NRP2: variants seen among roughly 807,000 people sequenced by gnomAD.
NRP2 encodes neuropilin-2.
In NRP2, 52 loss-of-function variants were observed where a neutral mutation model predicts 110.4. That is an observed-to-expected ratio of 0.47 (90% confidence interval 0.38 to 0.59). The LOEUF (loss-of-function observed/expected upper bound fraction) is 0.59, where lower values mean the gene tolerates loss of function less well. Ranked by LOEUF, NRP2 falls within the 20% of genes least tolerant of loss-of-function variation. The pLI is 0.00. For missense variants in NRP2, 1,049 were observed against 1,203.0 expected (o/e 0.87, Z 1.89); for synonymous variants, 508 against 468.9 (o/e 1.08, Z -1.08).
intron 3 of NRP2, among the ~76,000 whole-genome samples, chr2:205,719,855 A>C (rs893133943): frequency 6.6e-6 from 1 of 152,232 alleles, no homozygotes; most frequent in Non-Finnish European, 1.5e-5. Flanking sequence ...TTCATAGCAG[A>C]GTCTTTTCCT....
intron 15 of NRP2, chr2:205,776,313 C>T: frequency 2.5e-6 from 4 of 1,613,274 alleles, no homozygotes; most frequent in East Asian, 2.2e-5. Context: ...TCCCAGCCTA[C>T]TGGTATTACG....
At chr2:205,773,508 A>G (rs146425042) in intron 15 of NRP2, among the ~76,000 whole-genome samples, 106 of 152,300 alleles carry the variant, frequency 7.0e-4, no homozygotes, top group Non-Finnish European at 5.9e-4. Context: ...GGAGAGAAGG[A>G]TAAGTAGAGA....
At chr2:205,687,964 T>C (rs114305196) in intron 1 of NRP2, among the ~76,000 whole-genome samples, 68 of 152,252 alleles carry the variant, frequency 4.5e-4, no homozygotes, top group African/African-American at 1.6e-3. Context: ...TTCACTCAAG[T>C]CTTCCCTAAA....
intron 7 of NRP2, 22 bp from the exon 8 acceptor site, chr2:205,740,497 G>A (rs2105865686): frequency 6.2e-7 from 1 of 1,614,064 alleles, no homozygotes; most frequent in Non-Finnish European, 8.5e-7. Context: ...TCAATAACAT[G>A]GTTTTGCATC....
intron 12 of NRP2, chr2:205,756,877 G>A (rs923787736): frequency 6.6e-6 from 1 of 152,182 alleles, no homozygotes; most frequent in East Asian, 1.9e-4. Flanking sequence ...ATTAGATGGT[G>A]TAGGAACTAT....
chr2:205,751,935 AC>A (rs2057653136), intron 11 of NRP2, among the ~76,000 whole-genome samples: 1 of 151,582 alleles, frequency 6.6e-6, no homozygotes, highest in Admixed American at 6.6e-5. Flanking sequence ...CGTCCACACC[AC>A]CCCCACTTAG....
Position 205,716,307 on chromosome 2 carries a change from C to G in NRP2, c.366C>G (p.Ile122Met). 2.5e-6 allele frequency: 4 copies of G among 1,614,154 alleles called. No individual in the cohort carries two copies. Among genetic ancestry groups the G allele is most frequent in the Non-Finnish European group, 2.5e-6 (3 of 1,180,018 alleles). ...TIISSGSMLY[I>M]KFTSDYARQG... ...TCTCCTCGGGCTCCATGCTCTACAT[C>G]AAGTTCACCTCCGACTACGCCCGGC... Residue 122 changes from isoleucine (I) to methionine (M), a missense_variant, in exon 3 of 17, where the codon ATC (isoleucine) becomes ATG (methionine). Transcript: ENST00000357785.
intron 8 of NRP2, among the ~76,000 whole-genome samples, chr2:205,742,576 T>G (rs1336695397): frequency 1.3e-5 from 2 of 152,140 alleles, no homozygotes; most frequent in Admixed American, 6.5e-5. Flanking sequence ...TTTGGGGTAA[T>G]GGGAACAGCA....
Position 205,697,312 on chromosome 2 carries a change from C to CTGTGTGTGTGTGTGTGTGTG in NRP2, c.74-218_74-199dup, listed in dbSNP as rs3072627. Among the ~76,000 whole-genome samples the CTGTGTGTGTGTGTGTGTGTG allele has an allele frequency of 1.1e-3, 157 of 137,942 alleles. 4 individuals carry two copies. The highest frequency in any genetic ancestry group is 4.3e-3 in the African/African-American group (149 of 34,724). 90.5% of individuals were successfully genotyped at this position (137,942 alleles called of 152,430 possible). The stretch of plus-strand genomic sequence containing the variant: ...TGGCCATGTTCTGGAATACTTTCAT[C>CTGTGTGTGTGTGTGTGTGTG]TGTGTGTGTGTGTGTGTGTGTGTGT... On this transcript the variant is annotated intron_variant, in intron 1 of 16. Coordinates refer to ENST00000357785, the MANE Select transcript of NRP2 (RefSeq NM_003872.3).
At chr2:205,741,765 C>T (rs1217801124) in intron 8 of NRP2, among the ~76,000 whole-genome samples, 1 of 152,206 alleles carries the variant, frequency 6.6e-6, no homozygotes, top group Non-Finnish European at 1.5e-5. Context: ...CTAGTTAAAA[C>T]ACCTTGTGTT....
chr2:205,763,678 C>T lies in NRP2; in HGVS notation c.2049C>T (p.Asp683=). 2 of 1,614,196 alleles carry T rather than the reference C, an allele frequency of 1.2e-6. No individual in the cohort carries two copies. Among genetic ancestry groups the T allele is most frequent in the Non-Finnish European group, 1.7e-6 (2 of 1,180,048 alleles). Residue 683 remains aspartate, a synonymous_variant, in exon 13 of 17, where the codon GAC becomes GAT. Coordinates refer to ENST00000357785, the MANE Select transcript of NRP2 (RefSeq NM_003872.3). The surrounding 1 kb of genome is among the most constrained non-coding windows in gnomAD (Gnocchi z 4.0). ...GTTTGGGTTTGTTTCTGCCAGATGA[C>T]AGGAATTTCTTGCGGCTGCAGAGTG... is the stretch of plus-strand genomic sequence containing the variant. ...SSPNDRTFPD[D]RNFLRLQSDS...
intron 16 of NRP2, 109 bp downstream of exon 16, chr2:205,792,394 A>G: frequency 1.3e-6 from 1 of 776,954 alleles, no homozygotes; most frequent in Admixed American, 1.9e-5. Context: ...TAGAACTATC[A>G]GTCAGAAATA....
intron 7 of NRP2, among the ~76,000 whole-genome samples, chr2:205,734,753 G>A (rs1559335908): frequency 6.6e-6 from 1 of 152,118 alleles, no homozygotes; most frequent in Non-Finnish European, 1.5e-5. Flanking sequence ...AACTTTGGAG[G>A]CAATGAAACA....
intron 15 of NRP2, chr2:205,777,745 T>C (rs1279210879): frequency 6.6e-6 from 1 of 152,208 alleles, no homozygotes; most frequent in Non-Finnish European, 1.5e-5. Context: ...TGCCTGAATC[T>C]ATAGCCGCTA....
chr2:205,780,465 A>T (rs966970530), intron 15 of NRP2, among the ~76,000 whole-genome samples: 9 of 152,180 alleles, frequency 5.9e-5, no homozygotes, highest in Non-Finnish European at 1.0e-4. Context: ...TATTTCTATC[A>T]GAAGGGAACT....
In NRP2 at chr2:205,794,775, G is replaced by A; in HGVS notation, c.2498G>A (p.Ser833Asn). 6.2e-7 allele frequency: 1 copy of A among 1,614,164 alleles called. No homozygotes were observed. The highest frequency in any genetic ancestry group is 1.1e-5 in the South Asian group (1 of 91,080). The change falls in exon 17 of 17, where the codon AGC becomes AAC. Residue 833 changes from serine to asparagine, a missense_variant. Transcript: ENST00000357785. ...GCAGATGAATACGAGGTGGACTGGA[G>A]CAATTCTTCTTCTGCAACCTCAGGG... ...EIDDEYEVDW[S>N]NSSSATSGSG...
At chr2:205,729,806 A>C (rs1045130831) in intron 7 of NRP2, among the ~76,000 whole-genome samples, 12 of 152,178 alleles carry the variant, frequency 7.9e-5, no homozygotes, top group African/African-American at 2.9e-4. Flanking sequence ...ATATTCCTGA[A>C]ATTGAATTTA....
At chr2:205,748,487 T>C (rs2057580980) in intron 10 of NRP2, among the ~76,000 whole-genome samples, 2 of 152,204 alleles carry the variant, frequency 1.3e-5, no homozygotes, top group Non-Finnish European at 2.9e-5. Context: ...TTATTTGCTA[T>C]TTACTGTGAG....
chr2:205,790,003 G>A (rs2058280995), intron 15 of NRP2, among the ~76,000 whole-genome samples: 1 of 152,130 alleles, frequency 6.6e-6, no homozygotes, highest in South Asian at 2.1e-4. Context: ...TTTCTTTAAG[G>A]CTTGGTGAAC....
Sources: allele counts gnomAD v4.1 joint callset (sites outside exome capture counted in the v4.1 genomes callset), GRCh38; gene constraint gnomAD v4.1.1; non-coding constraint Gnocchi (gnomAD v3.1); transcripts MANE v1.5; gene names NCBI Gene and HGNC (gene_info 2026-07-23, HGNC 2026-07-21).